The following STPG2 variants were observed in gnomAD, a reference collection of about 807,000 sequenced individuals.
The protein encoded by STPG2 is sperm-tail PG-rich repeat-containing protein 2.
STPG2 carries 56 observed loss-of-function variants against 54.2 expected under a neutral mutation model. The ratio of observed to expected loss-of-function variants is 1.03; its 90% confidence interval spans 0.83 to 1.29. The LOEUF is 1.29. Ranked by LOEUF, STPG2 falls within the 50% of genes most tolerant of loss-of-function variation. STPG2 has a pLI of 0.00. For synonymous variants in STPG2, 200 were observed against 181.8 expected, an observed-to-expected ratio of 1.10 and a Z score of -0.81; for missense variants, 596 against 544.9, an observed-to-expected ratio of 1.09 and a Z score of -0.93.
intron 3 of STPG2, among the ~76,000 whole-genome samples, chr4:98,113,196 T>C (rs3857217): frequency 0.4 from 60,048 of 151,872 alleles, 12,126 homozygotes; most frequent in Middle Eastern, 0.46. Context: ...TTGGTGGAAA[T>C]GCCCAGCAGA....
In STPG2 at chr4:97,972,274, T is replaced by C; in HGVS notation, c.933+6A>G. 6.4e-7 allele frequency: 1 copy of C among 1,554,784 alleles called. No individual in the cohort carries two copies. ...AAAGAATATTATTTTTGTATGAATG[T>C]ATTACCTGATAATCAGCAGGTCCAG... On this transcript the variant is annotated splice_donor_region_variant and intron_variant, in intron 7 of 10. Coordinates refer to ENST00000295268, the MANE Select transcript of STPG2 (RefSeq NM_174952.3).
chr4:97,676,219 AC>A (rs934375203), intron 10 of STPG2, among the ~76,000 whole-genome samples: 5 of 151,418 alleles, frequency 3.3e-5, no homozygotes, highest in African/African-American at 4.9e-5. Context: ...TGCATGTCAA[AC>A]GACAGCTATG....
intron 4 of STPG2, among the ~76,000 whole-genome samples, chr4:97,442,097 T>C (rs1257666143): frequency 6.6e-6 from 1 of 151,570 alleles, no homozygotes; most frequent in Non-Finnish European, 1.5e-5. Context: ...TATATGAAAA[T>C]ATTTTATGTT....
chr4:97,958,510 T>G (rs907212296), intron 7 of STPG2, among the ~76,000 whole-genome samples: 1 of 152,006 alleles, frequency 6.6e-6, no homozygotes, highest in Non-Finnish European at 1.5e-5. Flanking sequence ...ACCTGACACA[T>G]AAGAACTCAT....
chr4:97,963,001 A>G (rs894010972), intron 7 of STPG2, among the ~76,000 whole-genome samples: 1 of 152,130 alleles, frequency 6.6e-6, no homozygotes, highest in Admixed American at 6.6e-5. Flanking sequence ...TCTACTAAAA[A>G]TACAAAAATT....
intron 5 of STPG2, among the ~76,000 whole-genome samples, chr4:98,015,180 T>C (rs758537910): frequency 6.6e-6 from 1 of 152,068 alleles, no homozygotes; most frequent in East Asian, 1.9e-4. Flanking sequence ...CCAAAAGTAA[T>C]GGCAACAAAA....
chr4:97,699,569 C>T (rs1331984584), intron 10 of STPG2, among the ~76,000 whole-genome samples: 12 of 152,218 alleles, frequency 7.9e-5, no homozygotes, highest in African/African-American at 2.7e-4. Flanking sequence ...GTACATCTGG[C>T]CATTTCTCCT....
At chr4:97,896,144 T>A (rs918234125) in intron 8 of STPG2, among the ~76,000 whole-genome samples, 13 of 151,778 alleles carry the variant, frequency 8.6e-5, no homozygotes, top group African/African-American at 3.1e-4. Context: ...CAGAAAAAGA[T>A]CAAGCTTTTT....
intron 7 of STPG2, among the ~76,000 whole-genome samples, chr4:97,958,795 C>A (rs1388557097): frequency 6.6e-6 from 1 of 152,108 alleles, no homozygotes; most frequent in African/African-American, 2.4e-5. Flanking sequence ...GTACTTCACG[C>A]ACAGCACTAG....
At chr4:97,518,977 T>C (rs1731129450) in intron 4 of STPG2, among the ~76,000 whole-genome samples, 1 of 152,092 alleles carries the variant, frequency 6.6e-6, no homozygotes, top group Non-Finnish European at 1.5e-5. Context: ...TTTCTTCTTA[T>C]TCTATGAATG....
intron 10 of STPG2, among the ~76,000 whole-genome samples, chr4:97,636,563 T>C (rs1157974728): frequency 6.7e-6 from 1 of 149,610 alleles, no homozygotes; most frequent in African/African-American, 2.5e-5. Flanking sequence ...GCTGGTTTTT[T>C]GAAAGGATCA....
At chr4:97,622,466 A>G (rs1734036810) in intron 10 of STPG2, among the ~76,000 whole-genome samples, 1 of 152,110 alleles carries the variant, frequency 6.6e-6, no homozygotes, top group Non-Finnish European at 1.5e-5. Context: ...CAGCATTCCT[A>G]TACACAACAT....
intron 10 of STPG2, among the ~76,000 whole-genome samples, chr4:97,677,445 C>T (rs964692998): frequency 6.6e-6 from 1 of 152,138 alleles, no homozygotes; most frequent in Admixed American, 6.6e-5. Flanking sequence ...GTCTGCAACA[C>T]TTTTGAATGT....
At chr4:97,615,530 C>T (rs963898122) in intron 10 of STPG2, among the ~76,000 whole-genome samples, 2 of 152,010 alleles carry the variant, frequency 1.3e-5, no homozygotes, top group African/African-American at 4.8e-5. Context: ...TCATGAGATC[C>T]TCCCATATTG....
chr4:97,677,830 T>C (rs1042404189), intron 10 of STPG2, among the ~76,000 whole-genome samples: 22 of 152,282 alleles, frequency 1.4e-4, no homozygotes, highest in African/African-American at 5.3e-4. Flanking sequence ...TCCCTACCTC[T>C]TGTTACAAAG....
At chr4:97,854,075 C>T (rs1729252942) in intron 8 of STPG2, among the ~76,000 whole-genome samples, 1 of 152,168 alleles carries the variant, frequency 6.6e-6, no homozygotes, top group African/African-American at 2.4e-5. Context: ...ATCCTCCTGC[C>T]TTAGTTTGCC....
At chr4:97,858,087 C>T (rs1260378765) in intron 8 of STPG2, among the ~76,000 whole-genome samples, 1 of 151,836 alleles carries the variant, frequency 6.6e-6, no homozygotes, top group African/African-American at 2.4e-5. Flanking sequence ...AGTTATTGGC[C>T]ATACAGAGGA....
At chr4:97,502,846 T>C (rs1730755072) in intron 4 of STPG2, among the ~76,000 whole-genome samples, 1 of 152,000 alleles carries the variant, frequency 6.6e-6, no homozygotes, top group Non-Finnish European at 1.5e-5. Context: ...GTTTAAAACA[T>C]TTAATTAATC....
At chr4:98,021,444 T>C (rs1174191987) in intron 5 of STPG2, among the ~76,000 whole-genome samples, 1 of 151,452 alleles carries the variant, frequency 6.6e-6, no homozygotes, top group Admixed American at 6.6e-5. Flanking sequence ...TCCAACTATG[T>C]GGTCAATTTT....
Sources: allele counts gnomAD v4.1 joint callset (sites outside exome capture counted in the v4.1 genomes callset), GRCh38; gene constraint gnomAD v4.1.1; transcripts MANE v1.5; gene names NCBI Gene and HGNC (gene_info 2026-07-23, HGNC 2026-07-21).